KIAA1958: variants seen among roughly 807,000 people sequenced by gnomAD.
KIAA1958 encodes KIAA1958, also known as uncharacterized protein KIAA1958.
In KIAA1958, 14 loss-of-function variants were observed where a neutral mutation model predicts 47.2. The ratio of observed to expected loss-of-function variants is 0.30; its 90% CI spans 0.20 to 0.46. The LOEUF is 0.46. Among genes scored for constraint, KIAA1958 ranks in the 20% least tolerant of loss-of-function variants. KIAA1958 has a pLI of 1.00. For missense variants in KIAA1958, 803 were observed against 909.2 expected (o/e 0.88, Z 1.50); for synonymous variants, 354 against 353.3 (o/e 1.00, Z -0.02).
intron 2 of KIAA1958, among the ~76,000 whole-genome samples, chr9:112,604,631 A>G (rs1217611897): frequency 1.3e-5 from 2 of 152,210 alleles, no homozygotes; most frequent in African/African-American, 2.4e-5. Context: ...CCAGCAGGCT[A>G]TAACAGGTAG....
chr9:112,493,339 C>G (rs12377206), intron 1 of KIAA1958, among the ~76,000 whole-genome samples: 2,700 of 152,298 alleles, frequency 0.018, 49 homozygotes, highest in Middle Eastern at 0.034. Context: ...TTTCCACAAG[C>G]ATTTCACATT....
At chr9:112,590,158 T>A (rs1028412129) in intron 2 of KIAA1958, among the ~76,000 whole-genome samples, 4 of 152,178 alleles carry the variant, frequency 2.6e-5, no homozygotes, top group African/African-American at 9.7e-5. Flanking sequence ...CTAGGAGACC[T>A]ACTGAATCAA....
intron 1 of KIAA1958, among the ~76,000 whole-genome samples, chr9:112,501,318 C>T (rs993320265): frequency 6.6e-6 from 1 of 151,870 alleles, no homozygotes; most frequent in Non-Finnish European, 1.5e-5. Context: ...TGGCTCATGC[C>T]TGTAGTCCCA....
At chr9:112,595,573 G>T (rs945509507) in intron 2 of KIAA1958, among the ~76,000 whole-genome samples, 2 of 151,638 alleles carry the variant, frequency 1.3e-5, no homozygotes, top group African/African-American at 4.8e-5. Context: ...GGGGGTAGGC[G>T]GAGCTGAGGC....
At chr9:112,499,877 A>G (rs1302317761) in intron 1 of KIAA1958, among the ~76,000 whole-genome samples, 2 of 151,202 alleles carry the variant, frequency 1.3e-5, no homozygotes, top group African/African-American at 4.9e-5. Context: ...TTTAGTAGAG[A>G]TGGGGTTTCA....
At chr9:112,645,605 G>A (rs1291487616) in intron 2 of KIAA1958, 45 bp from the exon 3 acceptor site, 1 of 1,349,306 alleles carries the variant, frequency 7.4e-7, no homozygotes, top group African/African-American at 1.5e-5. Flanking sequence ...CTCTAAAGAA[G>A]GGAATGGCAA....
rs542387517 is a variant in KIAA1958, at chr9:112,523,518, A to C, written c.-25+36400A>C. ...TTAGATTTGTCCTGGATTAAATGAA[A>C]TTTAAACCATTTATCAGATCTGGTC... On this transcript the variant is annotated intron_variant, in intron 1 of 3. Transcript: ENST00000337530. 4.6e-5 allele frequency among the ~76,000 whole-genome samples: 7 copies of C among 152,326 alleles called. No individual in the cohort carries two copies. The South Asian group carries it at 1.2e-3, about 27-fold the overall frequency.
intron 3 of KIAA1958, among the ~76,000 whole-genome samples, chr9:112,651,640 C>T (rs1837056615): frequency 6.6e-6 from 1 of 152,276 alleles, no homozygotes; most frequent in Admixed American, 6.5e-5. Flanking sequence ...AGGTGATCCT[C>T]CTGCCTCGGC....
At chr9:112,556,559 T>C (rs771477810) in intron 1 of KIAA1958, among the ~76,000 whole-genome samples, 1 of 152,158 alleles carries the variant, frequency 6.6e-6, no homozygotes, top group Non-Finnish European at 1.5e-5. Context: ...GTTCTCCACC[T>C]CCTGTCCTCA....
intron 2 of KIAA1958, among the ~76,000 whole-genome samples, chr9:112,576,478 A>G (rs1004665269): frequency 6.6e-6 from 1 of 152,170 alleles, no homozygotes; most frequent in Non-Finnish European, 1.5e-5. Context: ...TCATCACCCC[A>G]AAAAGAAATC....
intron 1 of KIAA1958, among the ~76,000 whole-genome samples, chr9:112,548,745 C>T (rs1280093798): frequency 6.6e-6 from 1 of 152,058 alleles, no homozygotes; most frequent in African/African-American, 2.4e-5. Flanking sequence ...CTTGTTTTTC[C>T]AAATATTTCT....
chr9:112,515,894 T>TAAAAAAAAAAAAAAAAAAAA (rs58492221), intron 1 of KIAA1958, among the ~76,000 whole-genome samples: 3 of 97,104 alleles, frequency 3.1e-5, no homozygotes, highest in African/African-American at 4.0e-5. Context: ...AAAAATAAAT[T>TAAAAAAAAAAAAAAAAAAAA]AAAAAAAAAA....
At chr9:112,547,922 A>C (rs1361028453) in intron 1 of KIAA1958, among the ~76,000 whole-genome samples, 1 of 151,414 alleles carries the variant, frequency 6.6e-6, no homozygotes, top group Non-Finnish European at 1.5e-5. Context: ...CTTAACCCAG[A>C]TACTTTTTTC....
rs190891685 is a variant in KIAA1958 at position 112,638,323 on chromosome 9, G to T, written c.1172-7327G>T. Among the ~76,000 whole-genome samples, 304 of 152,068 alleles carry T rather than the reference G, an allele frequency of 2.0e-3. 2 individuals are homozygous for T. The highest frequency in any genetic ancestry group is 3.4e-3 in the Non-Finnish European group (232 of 67,968). ...AATTGAGACCTCCCTGGGCAACATAGTGAGACCCCTGTCACTACAAAAAAT... is the reference window on the plus strand; with the variant it reads ...AATTGAGACCTCCCTGGGCAACATATTGAGACCCCTGTCACTACAAAAAAT... On this transcript the variant is annotated intron_variant, in intron 2 of 3. Transcript: ENST00000337530.
intron 1 of KIAA1958, among the ~76,000 whole-genome samples, chr9:112,556,287 C>T (rs935269053): frequency 2.6e-5 from 4 of 152,176 alleles, no homozygotes; most frequent in Non-Finnish European, 5.9e-5. Context: ...CTCTACCACG[C>T]CTCCATACCC....
At chr9:112,603,022 G>A (rs1008342614) in intron 2 of KIAA1958, among the ~76,000 whole-genome samples, 3 of 152,072 alleles carry the variant, frequency 2.0e-5, no homozygotes, top group African/African-American at 7.2e-5. Context: ...TTTTTCAAGT[G>A]CTTTTCTAGA....
At chr9:112,613,874 CATG>C (rs1473286691) in intron 2 of KIAA1958, among the ~76,000 whole-genome samples, 1 of 152,082 alleles carries the variant, frequency 6.6e-6, no homozygotes, top group Non-Finnish European at 1.5e-5. Context: ...TGGCTGAATG[CATG>C]ATTTCCTGTG....
At chr9:112,612,381 C>T (rs1219481618) in intron 2 of KIAA1958, among the ~76,000 whole-genome samples, 3 of 152,254 alleles carry the variant, frequency 2.0e-5, no homozygotes, top group Admixed American at 6.5e-5. Flanking sequence ...GCATGCCAGC[C>T]TGGGTCGCAG....
intron 2 of KIAA1958, among the ~76,000 whole-genome samples, chr9:112,596,114 T>TA (rs1015540437): frequency 1.8e-4 from 28 of 152,156 alleles, no homozygotes; most frequent in Admixed American, 1.1e-3. Context: ...GAGTATACAG[T>TA]AAAAAAAGCT....
Sources: gnomAD v4.1 joint callset for allele counts (sites outside exome capture counted in the v4.1 genomes callset) on GRCh38, gnomAD v4.1.1 for gene constraint, MANE v1.5 for transcripts, NCBI Gene and HGNC (gene_info 2026-07-23, HGNC 2026-07-21) for gene names.